The following OR5K4 variants were observed in gnomAD, a reference collection of about 807,000 sequenced individuals.
OR5K4 encodes the protein olfactory receptor 5K4.
A neutral mutation model predicts 11.8 loss-of-function variants in OR5K4; 16 were observed. That is an observed-to-expected ratio of 1.36 (90% CI 0.92 to 2.06). OR5K4 has a LOEUF of 2.06. Ranked by LOEUF, OR5K4 falls within the 30% of genes most tolerant of loss-of-function variation. The pLI is 0.00. For synonymous variants in OR5K4, 152 were observed against 135.1 expected (o/e 1.12, Z -0.87); for missense variants, 442 against 386.9 (o/e 1.14, Z -1.19).
rs1340287135 is a variant in OR5K4, at chr3:98,354,033, C to T, written c.180C>T (p.Tyr60=). The T allele has an allele frequency of 1.9e-6, 3 of 1,614,022 alleles. No homozygotes were observed. The highest frequency in any genetic ancestry group is 4.5e-5 in the East Asian group (2 of 44,866). Residue 60 remains tyrosine, a synonymous_variant, in exon 1 of 1, where the codon TAC becomes TAT. Coordinates refer to ENST00000354924, the MANE Select transcript of OR5K4 (RefSeq NM_001005517.1). ...AGCGTCGTCTTCTCACACCAATGTA[C>T]ATCTTTCTGGGCAACCTGGCTCTGA... ...YVERRLLTPM[Y]IFLGNLALMD... is the part of the protein sequence containing the mutation.
In OR5K4 at chr3:98,354,349, T is replaced by C. The variant is rs1483947765; in HGVS notation, c.496T>C (p.Leu166=). The C allele has an allele frequency of 1.2e-6, 2 of 1,614,182 alleles. No individual in the cohort carries two copies. Among genetic ancestry groups the C allele is most frequent in the Admixed American group, 3.3e-5 (2 of 60,018 alleles). Residue 166 remains leucine (L), a synonymous_variant, in exon 1 of 1, where the codon TTA becomes CTA. Coordinates refer to ENST00000354924, the MANE Select transcript of OR5K4 (RefSeq NM_001005517.1). ...SMIHVGLLLR[L]TFCRSNKIHH... ...GATTCATGTAGGGCTTTTATTAAGG[T>C]TAACTTTCTGCAGGTCTAATAAAAT...
chr3:98,354,413 T>C lies in OR5K4; in HGVS notation c.560T>C (p.Leu187Pro). Residue 187 changes from leucine (L) to proline (P), a missense_variant, in exon 1 of 1, where the codon CTC becomes CCC. Physicochemically the swap from Leu to Pro is moderately conservative, Grantham distance 98. Transcript: ENST00000354924. The part of the protein sequence containing the change: ...FFCDILPLYR[L>P]SCTDPSINEL... Reference sequence around the variant, plus strand: ...TGTGATATTCTTCCACTGTATAGACTCTCCTGTACAGATCCTTCTATTAAT... The same window carrying C: ...TGTGATATTCTTCCACTGTATAGACCCTCCTGTACAGATCCTTCTATTAAT... 1 of 1,608,378 alleles carries C rather than the reference T, an allele frequency of 6.2e-7. No individual in the cohort carries two copies. Among genetic ancestry groups the C allele is most frequent in the Non-Finnish European group, 8.5e-7 (1 of 1,174,690 alleles).
Position 98,353,952 on chromosome 3 carries a change from C to CATCT in OR5K4, c.104_107dup (p.Val37SerfsTer53), listed in dbSNP as rs766536569. ...CGCTTCTGTTTGTGGTGTTCTCTGC[C>CATCT]ATCTATCTGGTCACCATGGTGGGGA... On this transcript the variant is annotated frameshift_variant, in exon 1 of 1. Coordinates refer to ENST00000354924, the MANE Select transcript of OR5K4 (RefSeq NM_001005517.1). LOFTEE classifies it low-confidence loss of function (END_TRUNC). 4.3e-6 allele frequency: 7 copies of CATCT among 1,613,970 alleles called. No homozygotes were observed. The African/African-American group carries it at 9.3e-5, about 22-fold the overall frequency.
chr3:98,354,095 T>A lies in OR5K4; in HGVS notation c.242T>A (p.Met81Lys). The A allele has an allele frequency of 6.2e-7, 1 of 1,614,240 alleles. No homozygotes were observed. Among genetic ancestry groups the A allele is most frequent in the Non-Finnish European group, 8.5e-7 (1 of 1,180,040 alleles). Residue 81 changes from methionine to lysine, a missense_variant, in exon 1 of 1, where the codon ATG becomes AAG. Met to Lys is a moderately conservative substitution (Grantham distance 95). Transcript: ENST00000354924. ...TGTTCCTGTGCTGTTACCCCCAAGA[T>A]GTTAGAGAATTTCTTTTCTGAGGAT... ...SCCSCAVTPK[M>K]LENFFSEDRI...
Position 98,354,597 on chromosome 3 carries a change from C to T in OR5K4, c.744C>T (p.Val248=). 1 of 1,613,744 alleles carries T rather than the reference C, an allele frequency of 6.2e-7. No homozygotes were observed. The highest frequency in any genetic ancestry group is 8.5e-7 in the Non-Finnish European group (1 of 1,179,796). ...FSTCASHFLS[V]SIFYICLLMY... ...CCTGTGCATCCCACTTTCTCTCTGT[C>T]TCAATATTTTACATTTGTCTTCTCA... Residue 248 remains valine (V), a synonymous_variant, in exon 1 of 1, where the codon GTC becomes GTT. Transcript: ENST00000354924.
In OR5K4 at chr3:98,354,153, A is replaced by G. The variant is rs1434800063; in HGVS notation, c.300A>G (p.Gln100=). The stretch of plus-strand genomic sequence containing the variant: ...TTTCCCTGTATGAATGTATGGCACA[A>G]TTTTATTTTCTCTGTCTTGCTGAAA... ...RIISLYECMA[Q]FYFLCLAETT... The change falls in exon 1 of 1, where the codon CAA becomes CAG. Residue 100 remains glutamine, a synonymous_variant. Coordinates refer to ENST00000354924, the MANE Select transcript of OR5K4 (RefSeq NM_001005517.1). 1.2e-6 allele frequency: 2 copies of G among 1,614,170 alleles called. No individual in the cohort carries two copies. Among genetic ancestry groups the G allele is most frequent in the Non-Finnish European group, 8.5e-7 (1 of 1,180,032 alleles).
rs753910291 is a variant in OR5K4 at position 98,354,264 on chromosome 3, C to G, written c.411C>G (p.Ser137=). The stretch of plus-strand genomic sequence containing the variant: ...CACTGCAGTACCACACCATGATGTC[C>G]AAGACGCTCTGCATTCGGATGACCA... The part of the protein sequence containing the change: ...CHPLQYHTMM[S]KTLCIRMTTG... The change falls in exon 1 of 1, where the codon TCC becomes TCG. Residue 137 remains serine (S), a synonymous_variant. Transcript: ENST00000354924. 12 of 1,614,070 alleles carry G rather than the reference C, an allele frequency of 7.4e-6. No homozygotes were observed. In the Admixed American group the frequency reaches 1.0e-4, roughly 13 times the overall value.
At position 98,354,345 on chromosome 3, in the gene OR5K4, A is replaced by G; in HGVS notation, c.492A>G (p.Leu164=). ...CCATGATTCATGTAGGGCTTTTATT[A>G]AGGTTAACTTTCTGCAGGTCTAATA... ...LHSMIHVGLL[L]RLTFCRSNKI... is the part of the protein sequence containing the mutation. Residue 164 remains leucine (L), a synonymous_variant, in exon 1 of 1, where the codon TTA becomes TTG. Coordinates refer to ENST00000354924, the MANE Select transcript of OR5K4 (RefSeq NM_001005517.1). The G allele has an allele frequency of 3.7e-6, 6 of 1,614,170 alleles. No individual in the cohort carries two copies. The highest frequency in any genetic ancestry group is 5.1e-6 in the Non-Finnish European group (6 of 1,180,024).
In OR5K4 at chr3:98,354,161, T is replaced by A. The variant is rs1217908072; in HGVS notation, c.308T>A (p.Phe103Tyr). The A allele has an allele frequency of 6.2e-7, 1 of 1,614,206 alleles. No individual in the cohort carries two copies. The highest frequency in any genetic ancestry group is 1.7e-5 in the Admixed American group (1 of 60,028). The change falls in exon 1 of 1, where the codon TTT (phenylalanine) becomes TAT (tyrosine). Residue 103 changes from phenylalanine (F) to tyrosine (Y), a missense_variant. Coordinates refer to ENST00000354924, the MANE Select transcript of OR5K4 (RefSeq NM_001005517.1). ...TATGAATGTATGGCACAATTTTATT[T>A]TCTCTGTCTTGCTGAAACCACAGAC... is the stretch of plus-strand genomic sequence containing the variant. ...SLYECMAQFY[F>Y]LCLAETTDCF... is the part of the protein sequence containing the mutation.
rs1644636313 is a variant in OR5K4, at chr3:98,354,470, T to C, written c.617T>C (p.Ile206Thr). 3 of 1,610,824 alleles carry C rather than the reference T, an allele frequency of 1.9e-6. No homozygotes were observed. The highest frequency in any genetic ancestry group is 2.5e-6 in the Non-Finnish European group (3 of 1,176,970). Residue 206 changes from isoleucine to threonine, a missense_variant, in exon 1 of 1, where the codon ATT becomes ACT. Ile to Thr is a moderately conservative substitution (Grantham distance 89). Transcript: ENST00000354924. ...ELMIYIFSIP[I>T]QIFTIATVLI... ...ATGATATATATCTTTTCAATACCAA[T>C]TCAAATCTTTACCATTGCTACTGTC...
At position 98,354,266 on chromosome 3, in the gene OR5K4, A is replaced by G; in HGVS notation, c.413A>G (p.Lys138Arg). ...HPLQYHTMMSKTLCIRMTTGA... is the reference protein window; with the variant it reads ...HPLQYHTMMSRTLCIRMTTGA... ...CTGCAGTACCACACCATGATGTCCA[A>G]GACGCTCTGCATTCGGATGACCACA... Residue 138 changes from lysine (K) to arginine (R), a missense_variant, in exon 1 of 1, where the codon AAG (lysine) becomes AGG (arginine). Transcript: ENST00000354924. The G allele has an allele frequency of 6.2e-7, 1 of 1,614,210 alleles. No homozygotes were observed. Among genetic ancestry groups the G allele is most frequent in the Non-Finnish European group, 8.5e-7 (1 of 1,180,034 alleles).
In OR5K4 at chr3:98,354,483, C is replaced by T. The variant is rs889996827; in HGVS notation, c.630C>T (p.Thr210=). ...TTTCAATACCAATTCAAATCTTTAC[C>T]ATTGCTACTGTCTTGATCTCTTATC... ...YIFSIPIQIF[T]IATVLISYLC... Residue 210 remains threonine, a synonymous_variant, in exon 1 of 1, where the codon ACC becomes ACT. Transcript: ENST00000354924. 8 of 1,610,850 alleles carry T rather than the reference C, an allele frequency of 5.0e-6. No homozygotes were observed. The highest frequency in any genetic ancestry group is 6.8e-6 in the Non-Finnish European group (8 of 1,177,284).
At position 98,353,975 on chromosome 3, in the gene OR5K4, G is replaced by A. The variant is rs760738917; in HGVS notation, c.122G>A (p.Gly41Glu). Residue 41 changes from glycine (G) to glutamate (E), a missense_variant, in exon 1 of 1, where the codon GGG (glycine) becomes GAG (glutamate). Coordinates refer to ENST00000354924, the MANE Select transcript of OR5K4 (RefSeq NM_001005517.1). Reference sequence around the variant, plus strand: ...GCCATCTATCTGGTCACCATGGTGGGGAATCTTGGTCTGGTGGCATTAATT... The same window carrying A: ...GCCATCTATCTGGTCACCATGGTGGAGAATCTTGGTCTGGTGGCATTAATT... The part of the protein sequence containing the change: ...FSAIYLVTMV[G>E]NLGLVALIYV... The A allele has an allele frequency of 9.9e-6, 16 of 1,613,992 alleles. No homozygotes were observed. The highest frequency in any genetic ancestry group is 1.4e-5 in the Non-Finnish European group (16 of 1,180,026).
In OR5K4 at chr3:98,354,272, T is replaced by A; in HGVS notation, c.419T>A (p.Leu140His). Residue 140 changes from leucine to histidine, a missense_variant, in exon 1 of 1, where the codon CTC (leucine) becomes CAC (histidine). By Grantham distance (99) the Leu-to-His change is moderately conservative. Transcript: ENST00000354924. ...TACCACACCATGATGTCCAAGACGC[T>A]CTGCATTCGGATGACCACAGGGGCC... ...LQYHTMMSKT[L>H]CIRMTTGAFK... The A allele has an allele frequency of 6.2e-7, 1 of 1,614,208 alleles. No homozygotes were observed. The highest frequency in any genetic ancestry group is 8.5e-7 in the Non-Finnish European group (1 of 1,180,030).
In OR5K4 at chr3:98,354,668, C is replaced by A. The variant is rs759432288; in HGVS notation, c.815C>A (p.Ala272Glu). The part of the protein sequence containing the change: ...SEEGDKDTPV[A>E]IFYAIVIPLL... ...GAAGGAGATAAAGATACACCAGTGG[C>A]AATATTTTATGCAATAGTAATCCCA... The change falls in exon 1 of 1, where the codon GCA (alanine) becomes GAA (glutamate). Residue 272 changes from alanine (A) to glutamate (E), a missense_variant. By Grantham distance (107) the Ala-to-Glu change is moderately radical (BLOSUM62 -1). Transcript: ENST00000354924. The A allele has an allele frequency of 1.2e-6, 2 of 1,609,656 alleles. No homozygotes were observed. The highest frequency in any genetic ancestry group is 2.2e-5 in the East Asian group (1 of 44,828).
Position 98,354,011 on chromosome 3 carries a change from G to C in OR5K4, c.158G>C (p.Arg53Pro), listed in dbSNP as rs151338355. The C allele has an allele frequency of 1.2e-6, 2 of 1,614,128 alleles. No individual in the cohort carries two copies. Among genetic ancestry groups the C allele is most frequent in the Non-Finnish European group, 1.7e-6 (2 of 1,180,010 alleles). ...CTGGTGGCATTAATTTATGTAGAGC[G>C]TCGTCTTCTCACACCAATGTACATC... ...LGLVALIYVE[R>P]RLLTPMYIFL... The change falls in exon 1 of 1, where the codon CGT (arginine) becomes CCT (proline). Residue 53 changes from arginine to proline, a missense_variant. Physicochemically the swap from Arg to Pro is moderately radical, Grantham distance 103 (BLOSUM62 -2). Coordinates refer to ENST00000354924, the MANE Select transcript of OR5K4 (RefSeq NM_001005517.1).
chr3:98,353,952 C>T lies in OR5K4; in HGVS notation c.99C>T (p.Ala33=). 6.2e-7 allele frequency: 1 copy of T among 1,614,088 alleles called. No homozygotes were observed. The highest frequency in any genetic ancestry group is 8.5e-7 in the Non-Finnish European group (1 of 1,180,002). ...CGCTTCTGTTTGTGGTGTTCTCTGC[C>T]ATCTATCTGGTCACCATGGTGGGGA... The part of the protein sequence containing the change: ...LKTLLFVVFS[A]IYLVTMVGNL... The change falls in exon 1 of 1, where the codon GCC becomes GCT. Residue 33 remains alanine (A), a synonymous_variant. Transcript: ENST00000354924.
rs1189208779 is a variant in OR5K4, at chr3:98,354,049, C to A, written c.196C>A (p.Leu66Met). 2 of 1,614,068 alleles carry A rather than the reference C, an allele frequency of 1.2e-6. No homozygotes were observed. The highest frequency in any genetic ancestry group is 1.3e-5 in the African/African-American group (1 of 74,938). Residue 66 changes from leucine to methionine, a missense_variant, in exon 1 of 1, where the codon CTG becomes ATG. Coordinates refer to ENST00000354924, the MANE Select transcript of OR5K4 (RefSeq NM_001005517.1). ...LTPMYIFLGN[L>M]ALMDSCCSCA... ...ACCAATGTACATCTTTCTGGGCAAC[C>A]TGGCTCTGATGGATTCCTGCTGTTC...
rs1335848380 is a variant in OR5K4, at chr3:98,354,355, T to C, written c.502T>C (p.Phe168Leu). The change falls in exon 1 of 1, where the codon TTC (phenylalanine) becomes CTC (leucine). Residue 168 changes from phenylalanine (F) to leucine (L), a missense_variant. Coordinates refer to ENST00000354924, the MANE Select transcript of OR5K4 (RefSeq NM_001005517.1). ...IHVGLLLRLTFCRSNKIHHFF... is the reference protein window; with the variant it reads ...IHVGLLLRLTLCRSNKIHHFF... The stretch of plus-strand genomic sequence containing the variant: ...TGTAGGGCTTTTATTAAGGTTAACT[T>C]TCTGCAGGTCTAATAAAATTCACCA... 6.2e-7 allele frequency: 1 copy of C among 1,614,186 alleles called. No individual in the cohort carries two copies. Among genetic ancestry groups the C allele is most frequent in the African/African-American group, 1.3e-5 (1 of 75,048 alleles).
Sources: allele counts gnomAD v4.1 joint callset, GRCh38; gene constraint gnomAD v4.1.1; transcripts MANE v1.5; gene names NCBI Gene and HGNC (gene_info 2026-07-23, HGNC 2026-07-21).